Variants in RIMS2 observed in about 807,000 individuals in gnomAD.
RIMS2 encodes the protein regulating synaptic membrane exocytosis 2, also known as regulating synaptic membrane exocytosis protein 2.
RIMS2 carries 59 observed loss-of-function variants against 174.4 expected under a neutral mutation model. That is an observed-to-expected ratio of 0.34 (90% CI 0.27 to 0.42). RIMS2 has a LOEUF of 0.42. RIMS2 is among the 10% of genes least tolerant of loss of function. RIMS2 has a pLI of 1.00. For missense variants in RIMS2, 1,620 were observed against 1,666.3 expected, an observed-to-expected ratio of 0.97 and a Z score of 0.48; for synonymous variants, 606 against 572.5, an observed-to-expected ratio of 1.06 and a Z score of -0.84.
At chr8:104,015,418 C>T in intron 19 of RIMS2, 2 of 699,490 alleles carry the variant, frequency 2.9e-6, no homozygotes, top group Admixed American at 2.1e-5. Flanking sequence ...ATTTTGTTTT[C>T]CCTAGACAAT....
At chr8:103,693,797 G>C (rs2097062088) in intron 1 of RIMS2, among the ~76,000 whole-genome samples, 1 of 152,134 alleles carries the variant, frequency 6.6e-6, no homozygotes, top group Non-Finnish European at 1.5e-5. Flanking sequence ...GATTCATTTG[G>C]TCTGCAGGCT....
chr8:103,736,420 A>G (rs1318447153), intron 2 of RIMS2, among the ~76,000 whole-genome samples: 1 of 152,188 alleles, frequency 6.6e-6, no homozygotes, highest in East Asian at 1.9e-4. Flanking sequence ...TAGCCAGTTT[A>G]TTAGCTTGAA....
intron 1 of RIMS2, among the ~76,000 whole-genome samples, chr8:103,546,407 C>T (rs1306746903): frequency 6.6e-6 from 1 of 152,054 alleles, no homozygotes; most frequent in Non-Finnish European, 1.5e-5. Flanking sequence ...CTATGAGGAG[C>T]CTTAGATAAT....
intron 2 of RIMS2, among the ~76,000 whole-genome samples, chr8:103,740,209 A>G (rs755404599): frequency 3.9e-5 from 6 of 152,188 alleles, no homozygotes; most frequent in Non-Finnish European, 7.4e-5. Flanking sequence ...AAGAGAAAGG[A>G]GGGGAAGAAT....
intron 1 of RIMS2, among the ~76,000 whole-genome samples, chr8:103,612,553 T>G (rs1352014964): frequency 6.6e-6 from 1 of 152,144 alleles, no homozygotes; most frequent in Admixed American, 6.5e-5. Flanking sequence ...ATTCTCTGGA[T>G]TACTAGACAG....
At chr8:104,239,266 T>A (rs1283870325) in intron 19 of RIMS2, among the ~76,000 whole-genome samples, 2 of 152,192 alleles carry the variant, frequency 1.3e-5, no homozygotes, top group Non-Finnish European at 2.9e-5. Context: ...TTTTGTTTAA[T>A]CAAATGGCTT....
At chr8:103,773,925 TG>T (rs138831503) in intron 3 of RIMS2, among the ~76,000 whole-genome samples, 23,833 of 152,044 alleles carry the variant, frequency 0.16, 1,964 homozygotes, top group Middle Eastern at 0.24. Context: ...GCAGATCACT[TG>T]AGGTGAAGAG....
chr8:103,905,483 T>C (rs932240375), intron 4 of RIMS2, among the ~76,000 whole-genome samples: 2 of 152,068 alleles, frequency 1.3e-5, no homozygotes, highest in African/African-American at 4.8e-5. Context: ...TTAGGTAAGG[T>C]GTTGCTTTTT....
At chr8:104,140,143 G>A (rs541680031) in intron 19 of RIMS2, among the ~76,000 whole-genome samples, 1 of 152,066 alleles carries the variant, frequency 6.6e-6, no homozygotes, top group African/African-American at 2.4e-5. Flanking sequence ...TCTTTTTAAT[G>A]TATTGTTGAA....
chr8:104,148,629 A>G, intron 19 of RIMS2: 3 of 1,598,182 alleles, frequency 1.9e-6, no homozygotes, highest in South Asian at 2.2e-5. Flanking sequence ...CAAAATGCAA[A>G]GCAGACAAAT....
At chr8:104,065,032 A>G (rs181314235) in intron 19 of RIMS2, among the ~76,000 whole-genome samples, 1 of 152,198 alleles carries the variant, frequency 6.6e-6, no homozygotes, top group Admixed American at 6.5e-5. Flanking sequence ...CTCTAAACCT[A>G]TAAACCGTCA....
At chr8:103,790,533 A>G (rs1398261214) in intron 3 of RIMS2, among the ~76,000 whole-genome samples, 8 of 152,064 alleles carry the variant, frequency 5.3e-5, no homozygotes, top group African/African-American at 1.9e-4. Flanking sequence ...TTTTAGCCTT[A>G]TGAATAATGC....
At chr8:103,826,587 C>T (rs2098792305) in intron 3 of RIMS2, among the ~76,000 whole-genome samples, 1 of 151,532 alleles carries the variant, frequency 6.6e-6, no homozygotes, top group Non-Finnish European at 1.5e-5. Flanking sequence ...GCCAGTCTTA[C>T]TTTATAGTAA....
intron 14 of RIMS2, among the ~76,000 whole-genome samples, chr8:103,948,644 A>G (rs563665801): frequency 6.6e-6 from 1 of 152,174 alleles, no homozygotes; most frequent in Admixed American, 6.5e-5. Context: ...ATTGAGACAG[A>G]TTAAGTTAGC....
intron 2 of RIMS2, among the ~76,000 whole-genome samples, chr8:103,697,558 A>C (rs1291468923): frequency 2.6e-5 from 4 of 150,952 alleles, no homozygotes; most frequent in African/African-American, 7.3e-5. Flanking sequence ...AAAAAAAAAA[A>C]ACAAAAAAAA....
intron 19 of RIMS2, among the ~76,000 whole-genome samples, chr8:104,054,711 T>A (rs552522834): frequency 3.0e-4 from 46 of 152,266 alleles, no homozygotes; most frequent in African/African-American, 8.9e-4. Context: ...GAATCTTACA[T>A]CACATTTGCA....
chr8:103,758,673 T>A (rs1591795246), intron 2 of RIMS2, among the ~76,000 whole-genome samples: 1 of 152,230 alleles, frequency 6.6e-6, no homozygotes, highest in African/African-American at 2.4e-5. Flanking sequence ...TCATTTCTTT[T>A]TTACTTTTAT....
chr8:103,787,983 T>C (rs1564633089), intron 3 of RIMS2, among the ~76,000 whole-genome samples: 1 of 151,604 alleles, frequency 6.6e-6, no homozygotes, highest in Non-Finnish European at 1.5e-5. Context: ...TTTATTCTTT[T>C]TTCTCTAAAC....
intron 1 of RIMS2, among the ~76,000 whole-genome samples, chr8:103,696,540 CATATT>C (rs2097102720): frequency 6.6e-6 from 1 of 152,036 alleles, no homozygotes; most frequent in African/African-American, 2.4e-5. Flanking sequence ...TTTCCATAAA[CATATT>C]ATATTAATTG....
Sources: allele counts gnomAD v4.1 joint callset (sites outside exome capture counted in the v4.1 genomes callset), GRCh38; gene constraint gnomAD v4.1.1; transcripts MANE v1.5; gene names NCBI Gene and HGNC (gene_info 2026-07-23, HGNC 2026-07-21).